The following ANKRD31 variants were observed in gnomAD, a reference collection of about 807,000 sequenced individuals.
ANKRD31 encodes ankyrin repeat domain-containing protein 31.
Under a neutral mutation model 186.0 loss-of-function variants are expected in ANKRD31, and 147 were observed. The ratio of observed to expected loss-of-function variants is 0.79; its 90% confidence interval spans 0.69 to 0.91. The LOEUF is 0.91. Among genes scored for constraint, ANKRD31 ranks in the 40% least tolerant of loss-of-function variants. The probability of loss-of-function intolerance (pLI) is 0.00; values close to 1 mark genes in which losing one functional copy is unlikely to be tolerated. For synonymous variants in ANKRD31, 673 were observed against 736.4 expected (o/e 0.91, Z 1.39); for missense variants, 1,986 against 2,148.8 (o/e 0.92, Z 1.50).
In ANKRD31 at chr5:75,112,461, GA is replaced by G. The variant is rs1417450298; in HGVS notation, c.4243+51del. 67 of 1,227,898 alleles carry G rather than the reference GA, an allele frequency of 5.5e-5. 1 individual carries two copies. Among genetic ancestry groups the G allele is most frequent in the Non-Finnish European group, 7.1e-5 (63 of 889,526 alleles). The allele number at this position is 1,227,898 out of a possible 1,614,324, so 76.1% of individuals were successfully genotyped here. On this transcript the variant is annotated intron_variant, in intron 20 of 25. Coordinates refer to ENST00000506364, the MANE Select transcript of ANKRD31 (RefSeq NM_001372053.1). ...TTGAAATAAATATGTACCTTAAGAA[GA>G]TGACCTTGGGTATCTGAAAATATCA...
chr5:75,192,525 G>T (rs778195696), intron 9 of ANKRD31, 142 bp downstream of exon 9: 5 of 652,026 alleles, frequency 7.7e-6, no homozygotes, highest in Non-Finnish European at 1.3e-5. Context: ...GAGCTGTATG[G>T]TTCTGGGAAA....
At chr5:75,139,275 C>A (rs544412271) in intron 15 of ANKRD31, among the ~76,000 whole-genome samples, 33 of 150,450 alleles carry the variant, frequency 2.2e-4, no homozygotes, top group South Asian at 1.9e-3. Flanking sequence ...TCTCAGTAGT[C>A]CTTTAATAAT....
At chr5:75,176,095 A>C (rs995731863) in intron 10 of ANKRD31, among the ~76,000 whole-genome samples, 3 of 152,178 alleles carry the variant, frequency 2.0e-5, no homozygotes. Flanking sequence ...TATCCCGCAC[A>C]TGGCTCAGAG....
chr5:75,166,680 C>T (rs906344210), intron 11 of ANKRD31, among the ~76,000 whole-genome samples: 2 of 152,118 alleles, frequency 1.3e-5, no homozygotes, highest in Non-Finnish European at 2.9e-5. Flanking sequence ...TATTTCAATG[C>T]CATTACCTTT....
intron 25 of ANKRD31, among the ~76,000 whole-genome samples, chr5:75,074,092 T>C (rs1283030756): frequency 6.6e-6 from 1 of 152,148 alleles, no homozygotes; most frequent in Admixed American, 6.5e-5. Context: ...CAATTTCCTA[T>C]AATCATAGGA....
At chr5:75,217,087 G>A (rs1757003980) in intron 3 of ANKRD31, among the ~76,000 whole-genome samples, 1 of 152,160 alleles carries the variant, frequency 6.6e-6, no homozygotes, top group South Asian at 2.1e-4. Flanking sequence ...TGGTCCAAGA[G>A]TGTGGGTGGT....
chr5:75,105,531 G>C (rs915802693), intron 21 of ANKRD31, among the ~76,000 whole-genome samples: 1 of 151,998 alleles, frequency 6.6e-6, no homozygotes, highest in Non-Finnish European at 1.5e-5. Flanking sequence ...AACTCTAAAA[G>C]ACAAACAAAA....
In ANKRD31 at chr5:75,104,753, T is replaced by C; in HGVS notation, c.4806A>G (p.Leu1602=). 1.3e-6 allele frequency: 2 copies of C among 1,537,282 alleles called. 1 individual carries two copies. The highest frequency in any genetic ancestry group is 2.4e-5 in the South Asian group (2 of 84,066). The stretch of plus-strand genomic sequence containing the variant: ...CAATAAAAGCAACAGGTTGGGATGG[T>C]AATTTATTCTTCTCTGTGCCATCTG... The part of the protein sequence containing the change: ...RHSDGTEKNK[L]PSQPVAFIGQ... Residue 1602 remains leucine, a synonymous_variant, in exon 22 of 26, where the codon TTA becomes TTG. Transcript: ENST00000506364.
chr5:75,100,409 G>T (rs1489247207), intron 22 of ANKRD31, among the ~76,000 whole-genome samples: 1 of 152,130 alleles, frequency 6.6e-6, no homozygotes, highest in South Asian at 2.1e-4. Context: ...GTTGATTTGG[G>T]GTGGAGAGTT....
intron 25 of ANKRD31, among the ~76,000 whole-genome samples, chr5:75,072,900 G>T (rs1359480088): frequency 6.6e-6 from 1 of 152,178 alleles, no homozygotes; most frequent in Non-Finnish European, 1.5e-5. Context: ...CATACGTTAA[G>T]GTATTGGTAT....
chr5:75,130,016 C>T (rs1450448555), intron 17 of ANKRD31, among the ~76,000 whole-genome samples: 1 of 152,166 alleles, frequency 6.6e-6, no homozygotes, highest in Admixed American at 6.5e-5. Flanking sequence ...AAGCTGTGGA[C>T]CCTCGTGGTG....
At chr5:75,182,580 G>A (rs897524219) in intron 10 of ANKRD31, among the ~76,000 whole-genome samples, 3 of 151,890 alleles carry the variant, frequency 2.0e-5, no homozygotes, top group Non-Finnish European at 4.4e-5. Context: ...TTAGCCAGGC[G>A]TGGTGGCAAG....
chr5:75,146,276 T>C lies in ANKRD31; in HGVS notation c.3135A>G (p.Leu1045=). ...QDYIPRAPTF[L]MNQTDTHIVE... ...CAATATGTGTATCTGTTTGATTCAT[T>C]AAAAAAGTTGGTGCTCTGGGAATAT... Residue 1045 remains leucine, a synonymous_variant, in exon 14 of 26, where the codon TTA becomes TTG. Coordinates refer to ENST00000506364, the MANE Select transcript of ANKRD31 (RefSeq NM_001372053.1). The C allele has an allele frequency of 2.0e-6, 3 of 1,536,500 alleles. No individual in the cohort carries two copies. Among genetic ancestry groups the C allele is most frequent in the Non-Finnish European group, 1.7e-6 (2 of 1,146,436 alleles).
At chr5:75,089,963 G>C (rs1448278282) in intron 23 of ANKRD31, among the ~76,000 whole-genome samples, 1 of 152,218 alleles carries the variant, frequency 6.6e-6, no homozygotes, top group Non-Finnish European at 1.5e-5. Flanking sequence ...TGGAGAAACA[G>C]AGTGGGCAAA....
In ANKRD31 at chr5:75,102,080, T is replaced by C. The variant is rs1368747737; in HGVS notation, c.5331+2148A>G. Among the ~76,000 whole-genome samples the C allele has an allele frequency of 2.0e-5, 3 of 152,222 alleles. No individual in the cohort carries two copies. The East Asian group carries it at 5.8e-4, about 29-fold the overall frequency. On this transcript the variant is annotated intron_variant, in intron 22 of 25. Coordinates refer to ENST00000506364, the MANE Select transcript of ANKRD31 (RefSeq NM_001372053.1). ...TTGTGGTTTTATCTACCTTTGGTCT[T>C]TGATGATGGTGACATACAGATGGGG...
At chr5:75,218,679 T>C (rs1354617475) in intron 3 of ANKRD31, among the ~76,000 whole-genome samples, 1 of 152,082 alleles carries the variant, frequency 6.6e-6, no homozygotes, top group Non-Finnish European at 1.5e-5. Flanking sequence ...TTGATGAATA[T>C]ATATGCTCAT....
intron 1 of ANKRD31, among the ~76,000 whole-genome samples, chr5:75,234,605 A>C (rs115939718): frequency 1.4e-3 from 213 of 152,370 alleles, no homozygotes; most frequent in African/African-American, 5.1e-3. Flanking sequence ...TCCCACAGGC[A>C]ACCAAGGTGT....
intron 10 of ANKRD31, among the ~76,000 whole-genome samples, chr5:75,183,048 A>G (rs1754442610): frequency 6.6e-6 from 1 of 152,244 alleles, no homozygotes; most frequent in Non-Finnish European, 1.5e-5. Context: ...TACATTAAAA[A>G]GATTATTCAT....
At position 75,169,038 on chromosome 5, in the gene ANKRD31, T is replaced by C; in HGVS notation, c.1648A>G (p.Ile550Val). Reference protein sequence around the residue: ...ELLKGGADVNIKGLYQITPLH... With the variant: ...ELLKGGADVNVKGLYQITPLH... ...GGAGTAATCTGGTATAATCCTTTGA[T>C]ATTTACATCTGCTCCACCTTTTAAT... Residue 550 changes from isoleucine (I) to valine (V), a missense_variant, in exon 11 of 26, where the codon ATC (isoleucine) becomes GTC (valine). Coordinates refer to ENST00000506364, the MANE Select transcript of ANKRD31 (RefSeq NM_001372053.1). 1 of 1,536,756 alleles carries C rather than the reference T, an allele frequency of 6.5e-7. No individual in the cohort carries two copies. Among genetic ancestry groups the C allele is most frequent in the Non-Finnish European group, 8.7e-7 (1 of 1,146,474 alleles).
Sources: allele counts gnomAD v4.1 joint callset (sites outside exome capture counted in the v4.1 genomes callset), GRCh38; gene constraint gnomAD v4.1.1; transcripts MANE v1.5; gene names NCBI Gene and HGNC (gene_info 2026-07-23, HGNC 2026-07-21).